COL4A2: variants seen among roughly 807,000 people sequenced by gnomAD.
COL4A2 encodes the protein collagen alpha-2(IV) chain.
Under a neutral mutation model 200.2 loss-of-function variants are expected in COL4A2, and 99 were observed. The observed-to-expected ratio is 0.49, with a 90% CI of 0.42 to 0.58. The LOEUF (loss-of-function observed/expected upper bound fraction) is 0.58. Ranked by LOEUF, COL4A2 falls within the 20% of genes least tolerant of loss-of-function variation. The pLI is 0.00. For synonymous variants in COL4A2, 897 were observed against 900.6 expected (o/e 1.00, Z 0.07); for missense variants, 1,950 against 2,314.1 (o/e 0.84, Z 3.23).
At position 110,512,218 on chromosome 13, in the gene COL4A2, T is replaced by C. The variant is rs1014222767; in HGVS notation, c.*27T>C. On this transcript the variant is annotated 3_prime_UTR_variant, in exon 48 of 48. Coordinates refer to ENST00000360467, the MANE Select transcript of COL4A2 (RefSeq NM_001846.4). ...CCGGCGCGTGCCAGGAAGGGCCATTTTGGTGCTTATTCTTAACTTATTACC... is the reference window on the plus strand; with the variant it reads ...CCGGCGCGTGCCAGGAAGGGCCATTCTGGTGCTTATTCTTAACTTATTACC... The C allele has an allele frequency of 3.1e-6, 5 of 1,598,108 alleles. No homozygotes were observed. In the African/African-American group the frequency reaches 6.7e-5, roughly 22 times the overall value.
chr13:110,424,763 G>T lies in COL4A2; in HGVS notation c.210G>T (p.Gly70=), dbSNP rs1880402176. The T allele has an allele frequency of 1.2e-6, 2 of 1,611,418 alleles. No individual in the cohort carries two copies. Among genetic ancestry groups the T allele is most frequent in the Admixed American group, 1.7e-5 (1 of 60,004 alleles). ...AGCCTGGGCCAGTGGGCCCCCAGGGGTACAATGGGCCACCAGGATTACAAG... is the reference window on the plus strand; with the variant it reads ...AGCCTGGGCCAGTGGGCCCCCAGGGTTACAATGGGCCACCAGGATTACAAG... ...RGQPGPVGPQ[G]YNGPPGLQGF... Residue 70 remains glycine (G), a synonymous_variant, in exon 5 of 48, where the codon GGG becomes GGT. Transcript: ENST00000360467.
intron 4 of COL4A2, among the ~76,000 whole-genome samples, chr13:110,366,414 T>C (rs1320676172): frequency 6.6e-6 from 1 of 152,182 alleles, no homozygotes; most frequent in Non-Finnish European, 1.5e-5. Flanking sequence ...TACACAAGAC[T>C]CTAAATGTTC....
intron 3 of COL4A2, among the ~76,000 whole-genome samples, chr13:110,323,925 G>A (rs1368840431): frequency 6.6e-6 from 1 of 152,188 alleles, no homozygotes; most frequent in Non-Finnish European, 1.5e-5. Flanking sequence ...GAAAGGCATG[G>A]CCCTCAAAAA....
intron 24 of COL4A2, 39 bp downstream of exon 24, chr13:110,462,423 C>G: frequency 6.2e-7 from 1 of 1,600,246 alleles, no homozygotes; most frequent in Non-Finnish European, 8.5e-7. Flanking sequence ...GTCCTCTCTT[C>G]TTCATCCTTC....
chr13:110,412,094 GC>G (rs1273639706), intron 4 of COL4A2, among the ~76,000 whole-genome samples: 3 of 152,218 alleles, frequency 2.0e-5, no homozygotes, highest in Admixed American at 2.0e-4. Flanking sequence ...AATGGGCTGG[GC>G]CTAACAGGTC....
chr13:110,356,868 C>T (rs1017396170), intron 3 of COL4A2, among the ~76,000 whole-genome samples: 11 of 151,792 alleles, frequency 7.2e-5, no homozygotes, highest in Middle Eastern at 3.4e-3. Flanking sequence ...CCGGTTCAAG[C>T]GATTTTCCTG....
intron 34 of COL4A2, among the ~76,000 whole-genome samples, chr13:110,488,247 ACTC>A (rs1390700916): frequency 1.3e-5 from 2 of 151,682 alleles, no homozygotes; most frequent in Non-Finnish European, 2.9e-5. Context: ...CTGGTCTTGA[ACTC>A]CTGACCTCAG....
chr13:110,499,081 A>C (rs1233744898), intron 40 of COL4A2, among the ~76,000 whole-genome samples: 2 of 152,260 alleles, frequency 1.3e-5, no homozygotes, highest in East Asian at 1.9e-4. Flanking sequence ...ACGACCTTCC[A>C]TGATGACGTT....
At chr13:110,438,448 G>T (rs1880983794) in intron 14 of COL4A2, 170 bp from the exon 15 acceptor site, 1 of 871,074 alleles carries the variant, frequency 1.1e-6, no homozygotes, top group Non-Finnish European at 1.9e-6. Context: ...AGGCTGGCGG[G>T]TCTCCTAGGA....
intron 3 of COL4A2, among the ~76,000 whole-genome samples, chr13:110,326,750 C>T (rs1242602100): frequency 6.6e-5 from 10 of 152,154 alleles, no homozygotes. Flanking sequence ...CCCCCTACAT[C>T]CCATCCGATT....
intron 3 of COL4A2, among the ~76,000 whole-genome samples, chr13:110,340,656 A>G (rs1876407171): frequency 6.6e-6 from 1 of 152,154 alleles, no homozygotes; most frequent in Non-Finnish European, 1.5e-5. Context: ...CTGCGGAAGA[A>G]AGGAGAGCAG....
At chr13:110,489,359 A>G (rs1883208149) in intron 34 of COL4A2, 86 bp from the exon 35 acceptor site, 2 of 1,300,314 alleles carry the variant, frequency 1.5e-6, no homozygotes, top group Admixed American at 3.4e-5. Flanking sequence ...TCGTTAGCAT[A>G]CTGGATAGTT....
At chr13:110,504,579 A>G (rs1286225237) in intron 45 of COL4A2, among the ~76,000 whole-genome samples, 1 of 152,172 alleles carries the variant, frequency 6.6e-6, no homozygotes, top group Non-Finnish European at 1.5e-5. Flanking sequence ...TAAAATGTAC[A>G]AGAGCCGCAC....
At position 110,374,649 on chromosome 13, in the gene COL4A2, G is replaced by A. The variant is rs570005233; in HGVS notation, c.180+17097G>A. ...CTTTTTGCTTTCCTCTTTGCTCACA[G>A]GGAATCTCCTCTTTGAAAACCAGAA... On this transcript the variant is annotated intron_variant, in intron 4 of 47. Transcript: ENST00000360467. Among the ~76,000 whole-genome samples the A allele has an allele frequency of 1.9e-4, 29 of 152,260 alleles. No homozygotes were observed. In the South Asian group the frequency reaches 6.0e-3, roughly 32 times the overall value.
rs774687728 is a variant in COL4A2, at chr13:110,450,298, G to A, written c.1190-7G>A. 8.7e-6 allele frequency: 14 copies of A among 1,612,916 alleles called. No homozygotes were observed. The Admixed American group carries it at 1.5e-4, about 17-fold the overall frequency. ...TCACGCTGCAGGTGAATGCTGTTTG[G>A]TTTCAGATCAGAGGAGAGGCCTGCC... On this transcript the variant is annotated splice_polypyrimidine_tract_variant and splice_region_variant and intron_variant, in intron 19 of 47. Transcript: ENST00000360467.
At chr13:110,435,069 A>G (rs1233511553) in intron 12 of COL4A2, among the ~76,000 whole-genome samples, 1 of 152,250 alleles carries the variant, frequency 6.6e-6, no homozygotes, top group Non-Finnish European at 1.5e-5. Context: ...CCTTGGCCTC[A>G]TGATTGGAAC....
chr13:110,506,849 C>T (rs1883903962), intron 46 of COL4A2, among the ~76,000 whole-genome samples: 1 of 152,158 alleles, frequency 6.6e-6, no homozygotes, highest in African/African-American at 2.4e-5. Flanking sequence ...TATTGACTTC[C>T]GCAGGCTCCC....
rs543248618 is a variant in COL4A2, at chr13:110,489,287, T to C, written c.3208-158T>C. On this transcript the variant is annotated intron_variant, in intron 34 of 47. Transcript: ENST00000360467. The stretch of plus-strand genomic sequence containing the variant: ...AAAGAACAGCTAAGCAAACCGCCTA[T>C]GATACACACTAAAAAACACGAGTTT... Among the ~76,000 whole-genome samples the C allele has an allele frequency of 3.3e-5, 5 of 152,334 alleles. No homozygotes were observed. In the South Asian group the frequency reaches 1.0e-3, roughly 32 times the overall value.
chr13:110,363,396 A>G (rs185313339), intron 4 of COL4A2, among the ~76,000 whole-genome samples: 118 of 152,348 alleles, frequency 7.7e-4, no homozygotes, highest in Non-Finnish European at 1.4e-3. Context: ...CTTGGGTCAA[A>G]TAGTCCTTAG....
Sources: allele counts gnomAD v4.1 joint callset (sites outside exome capture counted in the v4.1 genomes callset), GRCh38; gene constraint gnomAD v4.1.1; transcripts MANE v1.5; gene names NCBI Gene and HGNC (gene_info 2026-07-23, HGNC 2026-07-21).